Variants in DPH6 observed in about 807,000 individuals in gnomAD.
DPH6 encodes the protein diphthine--ammonia ligase.
Under a neutral mutation model 38.2 loss-of-function variants are expected in DPH6, and 33 were observed. The ratio of observed to expected loss-of-function variants is 0.86; its 90% CI spans 0.65 to 1.15. The LOEUF (loss-of-function observed/expected upper bound fraction) is 1.15. Among genes scored for constraint, DPH6 ranks in the 50% most tolerant of loss-of-function variants. The pLI, the probability that DPH6 is intolerant of heterozygous loss-of-function variation, is 0.00. For synonymous variants in DPH6, 108 were observed against 103.0 expected (o/e 1.05, Z -0.30); for missense variants, 325 against 320.0 (o/e 1.02, Z -0.12).
chr15:35,266,138 T>C (rs916548098), intron 3 of DPH6, among the ~76,000 whole-genome samples: 1 of 152,182 alleles, frequency 6.6e-6, no homozygotes, highest in Non-Finnish European at 1.5e-5. Flanking sequence ...AATTATATCA[T>C]TCCCAGGGCA....
the DPH6 span, among the ~76,000 whole-genome samples, chr15:35,146,924 G>A: frequency 0.43 from 65,115 of 151,902 alleles, 14,229 homozygotes; most frequent in Middle Eastern, 0.63. Context: ...TGGGAAAATC[G>A]TAATTGATTC....
chr15:35,496,622 A>C (rs1306453488), intron 3 of DPH6, among the ~76,000 whole-genome samples: 2 of 138,446 alleles, frequency 1.4e-5, no homozygotes, highest in African/African-American at 2.6e-5. Context: ...AGAGATAAAG[A>C]GAACCAAATA....
In DPH6 at chr15:35,425,170, A is replaced by T. The variant is rs141576160; in HGVS notation, c.506-14274T>A. Among the ~76,000 whole-genome samples the T allele has an allele frequency of 2.8e-4, 42 of 151,668 alleles. No homozygotes were observed. In the East Asian group the frequency reaches 6.2e-3, roughly 22 times the overall value. ...TTGCTCCAAGAAGTTTTAATACATA[A>T]ATGTTGGGCTCTCAGCTAAGATAGT... is the stretch of plus-strand genomic sequence containing the variant. On this transcript the variant is annotated intron_variant, in intron 5 of 8. Transcript: ENST00000256538.
At chr15:35,315,196 C>T (rs568576562) in intron 3 of DPH6, among the ~76,000 whole-genome samples, 1 of 152,310 alleles carries the variant, frequency 6.6e-6, no homozygotes, top group Non-Finnish European at 1.5e-5. Context: ...TTTGCCTCAA[C>T]CGCCGTATTC....
intron 3 of DPH6, among the ~76,000 whole-genome samples, chr15:35,355,544 AAGTTT>A (rs1374768352): frequency 6.6e-6 from 1 of 152,076 alleles, no homozygotes; most frequent in Non-Finnish European, 1.5e-5. Context: ...TCCACTTATG[AAGTTT>A]AGTTTAGCTG....
At chr15:35,361,013 G>C (rs2052609612) in intron 3 of DPH6, among the ~76,000 whole-genome samples, 1 of 152,196 alleles carries the variant, frequency 6.6e-6, no homozygotes, top group South Asian at 2.1e-4. Context: ...GACTAAGTTT[G>C]TTGGCCTTCT....
intron 3 of DPH6, among the ~76,000 whole-genome samples, chr15:35,322,887 ACT>A (rs2052252130): frequency 1.3e-5 from 2 of 151,936 alleles, no homozygotes; most frequent in African/African-American, 4.8e-5. Flanking sequence ...TATATTCTGA[ACT>A]CTATTATATG....
At chr15:35,168,600 T>C in the DPH6 span, among the ~76,000 whole-genome samples, 2 of 152,074 alleles carry the variant, frequency 1.3e-5, no homozygotes, top group African/African-American at 4.8e-5. Flanking sequence ...CTGCACCGAA[T>C]GCCATTAGTA....
chr15:35,231,969 A>G (rs184452903), intron 3 of DPH6, among the ~76,000 whole-genome samples: 16 of 152,296 alleles, frequency 1.1e-4, no homozygotes, highest in Admixed American at 1.0e-3. Context: ...AATACTCTCC[A>G]CTAAGCTGTA....
At chr15:35,270,346 C>T (rs74640651) in intron 3 of DPH6, among the ~76,000 whole-genome samples, 2 of 152,330 alleles carry the variant, frequency 1.3e-5, no homozygotes, top group Non-Finnish European at 2.9e-5. Flanking sequence ...TGCATCGGTT[C>T]TGCTGATCTT....
chr15:35,284,148 T>C (rs570214473), intron 3 of DPH6, among the ~76,000 whole-genome samples: 13 of 152,348 alleles, frequency 8.5e-5, no homozygotes, highest in Admixed American at 4.6e-4. Context: ...TTTTCTCTTT[T>C]GTCATCTATC....
chr15:35,260,296 C>T (rs2051737754), intron 3 of DPH6, among the ~76,000 whole-genome samples: 1 of 151,892 alleles, frequency 6.6e-6, no homozygotes, highest in Non-Finnish European at 1.5e-5. Flanking sequence ...TTAGTAGAGA[C>T]AGGGTTTCAC....
rs73382789 is a variant in DPH6, at chr15:35,526,911, T to C, written c.312+11363A>G. Among the ~76,000 whole-genome samples the C allele has an allele frequency of 8.1e-3, 1,240 of 152,306 alleles. 18 individuals are homozygous for C. Among genetic ancestry groups the C allele is most frequent in the African/African-American group, 0.028 (1,174 of 41,596 alleles). The stretch of plus-strand genomic sequence containing the variant: ...CACATAGGAAACTAGAAAGCATTAA[T>C]TCTACATGTCTCTTGGAAGGCTGAA... On this transcript the variant is annotated intron_variant, in intron 3 of 8. Transcript: ENST00000256538.
Position 35,238,562 on chromosome 15 carries a change from G to C in DPH6, n.201-17980C>G, listed in dbSNP as rs796365710. ...TGGGCAAAGCTTTCATGTTTCTGTGGTTCTCTTTCTCTTCTTGGAAATTTG... is the reference window on the plus strand; with the variant it reads ...TGGGCAAAGCTTTCATGTTTCTGTGCTTCTCTTTCTCTTCTTGGAAATTTG... On this transcript the variant is annotated intron_variant and non_coding_transcript_variant, in intron 3 of 3. Transcript: ENST00000560386. Among the ~76,000 whole-genome samples the C allele has an allele frequency of 5.9e-5, 9 of 152,284 alleles. 1 individual carries two copies. The highest frequency in any genetic ancestry group is 2.2e-4 in the African/African-American group (9 of 41,552).
At chr15:35,344,779 G>A (rs1300794559) in intron 3 of DPH6, among the ~76,000 whole-genome samples, 1 of 151,698 alleles carries the variant, frequency 6.6e-6, no homozygotes, top group African/African-American at 2.4e-5. Context: ...TATATATTAG[G>A]CCACAGTTAA....
At chr15:35,489,802 T>C in intron 3 of DPH6, 2 of 981,376 alleles carry the variant, frequency 2.0e-6, no homozygotes, top group Non-Finnish European at 2.4e-6. Context: ...TACCTTCATG[T>C]GCCGTTTTAT....
chr15:35,470,019 G>A (rs375530220), intron 3 of DPH6, among the ~76,000 whole-genome samples: 12 of 152,044 alleles, frequency 7.9e-5, no homozygotes, highest in Admixed American at 2.0e-4. Context: ...CCAACATGGC[G>A]AAACCCTGTC....
chr15:35,542,869 T>A (rs28522300), intron 1 of DPH6, among the ~76,000 whole-genome samples: 1 of 138,544 alleles, frequency 7.2e-6, no homozygotes, highest in African/African-American at 2.7e-5. Context: ...ATATATATTC[T>A]ACCTAAGGAA....
intron 3 of DPH6, among the ~76,000 whole-genome samples, chr15:35,352,601 G>A (rs2052524723): frequency 6.6e-6 from 1 of 152,170 alleles, no homozygotes; most frequent in South Asian, 2.1e-4. Context: ...CCCTACAAAG[G>A]ACATGAACTC....
Sources: allele counts gnomAD v4.1 joint callset (sites outside exome capture counted in the v4.1 genomes callset), GRCh38; gene constraint gnomAD v4.1.1; transcripts MANE v1.5; gene names NCBI Gene and HGNC (gene_info 2026-07-23, HGNC 2026-07-21).